MICU2: variants seen among roughly 807,000 people sequenced by gnomAD.
The protein encoded by MICU2 is mitochondrial calcium uptake 2, also known as calcium uptake protein 2, mitochondrial.
A neutral mutation model predicts 60.4 loss-of-function variants in MICU2; 64 were observed. The observed-to-expected ratio is 1.06, with a 90% CI of 0.87 to 1.31. The LOEUF (loss-of-function observed/expected upper bound fraction) is 1.31, where lower values mean the gene tolerates loss of function less well. Among genes scored for constraint, MICU2 ranks in the 50% most tolerant of loss-of-function variants. The pLI is 0.00. For synonymous variants in MICU2, 201 were observed against 175.0 expected (o/e 1.15, Z -1.17); for missense variants, 569 against 531.0 (o/e 1.07, Z -0.70).
chr13:21,573,389 CAG>C (rs1220201652), intron 1 of MICU2, among the ~76,000 whole-genome samples: 1 of 152,170 alleles, frequency 6.6e-6, no homozygotes, highest in Non-Finnish European at 1.5e-5. Context: ...TTCTCCTCCT[CAG>C]CCTCCTGAGT....
rs1051196849 is a variant in MICU2 at position 21,522,702 on chromosome 13, T to C, written c.467-52A>G. 6 of 1,367,140 alleles carry C rather than the reference T, an allele frequency of 4.4e-6. No homozygotes were observed. The African/African-American group carries it at 5.9e-5, about 13-fold the overall frequency. The allele number at this position is 1,367,140 out of a possible 1,614,324, so 84.7% of individuals were successfully genotyped here. On this transcript the variant is annotated intron_variant, in intron 4 of 11. Transcript: ENST00000382374. ...AATAAGCTTTAGATGGTTTAGAATA[T>C]ATAGAGACATTAACATTGAAATTTC...
At chr13:21,554,845 C>T (rs1345457435) in intron 2 of MICU2, among the ~76,000 whole-genome samples, 2 of 152,070 alleles carry the variant, frequency 1.3e-5, no homozygotes, top group East Asian at 1.9e-4. Flanking sequence ...GATATCACCA[C>T]CGACCCCACA....
At chr13:21,551,053 T>C (rs746565695) in intron 2 of MICU2, among the ~76,000 whole-genome samples, 16 of 152,244 alleles carry the variant, frequency 1.1e-4, no homozygotes, top group Non-Finnish European at 2.2e-4. Context: ...ATTTTCACTA[T>C]TTCTCACCTG....
At chr13:21,569,380 T>C (rs1444420133) in intron 1 of MICU2, among the ~76,000 whole-genome samples, 1 of 152,136 alleles carries the variant, frequency 6.6e-6, no homozygotes, top group African/African-American at 2.4e-5. Flanking sequence ...CTTTTCCTAA[T>C]CCTTTCCACT....
At chr13:21,572,621 C>T (rs1888137827) in intron 1 of MICU2, among the ~76,000 whole-genome samples, 1 of 152,280 alleles carries the variant, frequency 6.6e-6, no homozygotes, top group South Asian at 2.1e-4. Flanking sequence ...GGGAGGCTAG[C>T]AAAGAATTTA....
At chr13:21,567,100 G>A (rs577754432) in intron 1 of MICU2, among the ~76,000 whole-genome samples, 156 bp from the exon 2 acceptor site, 2 of 152,102 alleles carry the variant, frequency 1.3e-5, no homozygotes, top group South Asian at 4.2e-4. Flanking sequence ...TGCCTACTTC[G>A]CACTGAAGAT....
At chr13:21,552,471 T>A (rs1887596539) in intron 2 of MICU2, among the ~76,000 whole-genome samples, 5 of 152,322 alleles carry the variant, frequency 3.3e-5, no homozygotes, top group Admixed American at 3.3e-4. Flanking sequence ...CTGTTGTCAT[T>A]GCTTTTGGTG....
At chr13:21,552,506 T>C (rs1262699251) in intron 2 of MICU2, among the ~76,000 whole-genome samples, 3 of 152,228 alleles carry the variant, frequency 2.0e-5, no homozygotes, top group Non-Finnish European at 4.4e-5. Flanking sequence ...TCCTTGCCCA[T>C]GCCTATGTCC....
At chr13:21,529,568 T>G (rs191016138) in intron 4 of MICU2, among the ~76,000 whole-genome samples, 22 of 152,216 alleles carry the variant, frequency 1.4e-4, no homozygotes, top group Admixed American at 1.3e-3. Flanking sequence ...AGGCAGGAGG[T>G]GGAAGAGGGC....
chr13:21,529,003 AAG>A (rs955915068), intron 4 of MICU2, among the ~76,000 whole-genome samples: 1 of 152,124 alleles, frequency 6.6e-6, no homozygotes, highest in African/African-American at 2.4e-5. Flanking sequence ...GCAGAATGGC[AAG>A]AGAGGACAGC....
chr13:21,518,867 C>A (rs1011120255), intron 6 of MICU2, among the ~76,000 whole-genome samples: 1 of 152,120 alleles, frequency 6.6e-6, no homozygotes, highest in African/African-American at 2.4e-5. Flanking sequence ...CCTCAAATAT[C>A]TCAAATGAAT....
chr13:21,554,501 C>A (rs1887652962), intron 2 of MICU2, among the ~76,000 whole-genome samples: 1 of 152,080 alleles, frequency 6.6e-6, no homozygotes, highest in South Asian at 2.1e-4. Context: ...AAAGATACAA[C>A]ATACCAGAAT....
At chr13:21,562,528 G>A (rs896847372) in intron 2 of MICU2, among the ~76,000 whole-genome samples, 21 of 151,976 alleles carry the variant, frequency 1.4e-4, no homozygotes, top group Admixed American at 1.1e-3. Context: ...CTCTTAGAAT[G>A]TCAATTCTAT....
chr13:21,559,663 T>G lies in MICU2; in HGVS notation c.358+7134A>C, dbSNP rs568515092. On this transcript the variant is annotated intron_variant, in intron 2 of 11. Transcript: ENST00000382374. ...CTTCATCCTCCTGAGTAGCTGGGAC[T>G]ACAGATGCACGCCACCATGCCTGGC... 1.2e-3 allele frequency among the ~76,000 whole-genome samples: 181 copies of G among 152,204 alleles called. 4 individuals carry two copies. The highest frequency in any genetic ancestry group is 0.012 in the Admixed American group (178 of 15,292).
At chr13:21,579,504 C>T (rs939272667) in intron 1 of MICU2, among the ~76,000 whole-genome samples, 5 of 152,084 alleles carry the variant, frequency 3.3e-5, no homozygotes, top group Middle Eastern at 3.2e-3. Context: ...CCACGCCAAG[C>T]TAATTTTTTG....
intron 4 of MICU2, among the ~76,000 whole-genome samples, chr13:21,536,883 A>C (rs1437165428): frequency 6.6e-6 from 1 of 152,228 alleles, no homozygotes; most frequent in Non-Finnish European, 1.5e-5. Flanking sequence ...TAAATTAACT[A>C]TGCCAACTTC....
rs186628178 is a variant in MICU2, at chr13:21,528,912, T to C, written c.467-6262A>G. On this transcript the variant is annotated intron_variant, in intron 4 of 11. Coordinates refer to ENST00000382374, the MANE Select transcript of MICU2 (RefSeq NM_152726.3). Reference sequence around the variant, plus strand: ...TGGGAGAAGGTGGTGAGTCAGAGAGTAGAGGGAGAGAGAGAATGGCACAGG... The same window carrying C: ...TGGGAGAAGGTGGTGAGTCAGAGAGCAGAGGGAGAGAGAGAATGGCACAGG... Among the ~76,000 whole-genome samples, 18 of 151,522 alleles carry C rather than the reference T, an allele frequency of 1.2e-4. No individual in the cohort carries two copies. The East Asian group carries it at 3.3e-3, about 28-fold the overall frequency.
At chr13:21,536,702 A>G (rs1020023285) in intron 4 of MICU2, among the ~76,000 whole-genome samples, 1 of 152,256 alleles carries the variant, frequency 6.6e-6, no homozygotes, top group Non-Finnish European at 1.5e-5. Flanking sequence ...GCTGCATTCA[A>G]TGAAAGGTTA....
At chr13:21,583,638 T>C (rs543566533) in intron 1 of MICU2, among the ~76,000 whole-genome samples, 1 of 152,296 alleles carries the variant, frequency 6.6e-6, no homozygotes, top group East Asian at 1.9e-4. Flanking sequence ...CACAGCTCCA[T>C]GCATGGGGCT....
Sources: allele counts gnomAD v4.1 joint callset (sites outside exome capture counted in the v4.1 genomes callset), GRCh38; gene constraint gnomAD v4.1.1; transcripts MANE v1.5; gene names NCBI Gene and HGNC (gene_info 2026-07-23, HGNC 2026-07-21).